The following OSTF1 variants were observed in gnomAD, a reference collection of about 807,000 sequenced individuals.
The protein encoded by OSTF1 is osteoclast stimulating factor 1.
In OSTF1, 27 loss-of-function variants were observed where a neutral mutation model predicts 37.2. That is an observed-to-expected ratio of 0.73 (90% CI 0.54 to 1.00). The LOEUF is 1.00. Among genes scored for constraint, OSTF1 ranks in the 50% least tolerant of loss-of-function variants. The probability of loss-of-function intolerance (pLI) is 0.00; values close to 1 mark genes in which losing one functional copy is unlikely to be tolerated. For synonymous variants in OSTF1, 82 were observed against 89.2 expected (o/e 0.92, Z 0.46); for missense variants, 232 against 253.8 (o/e 0.91, Z 0.58).
chr9:75,141,312 CAA>C (rs529293090), intron 9 of OSTF1, among the ~76,000 whole-genome samples: 12,576 of 71,606 alleles, frequency 0.18, 525 homozygotes, highest in African/African-American at 0.27. Flanking sequence ...AAAAGAAAAC[CAA>C]AAAAAAAAAA....
chr9:75,092,797 C>T (rs945509864), intron 1 of OSTF1, among the ~76,000 whole-genome samples: 10 of 152,096 alleles, frequency 6.6e-5, no homozygotes, highest in African/African-American at 2.2e-4. Flanking sequence ...TGTTGGTTGG[C>T]ATATGTTTCC....
chr9:75,135,458 T>C (rs200810490), intron 7 of OSTF1, among the ~76,000 whole-genome samples: 1 of 55,460 alleles, frequency 1.8e-5, no homozygotes, highest in South Asian at 3.8e-4. Context: ...AAAATTATCT[T>C]GTATTTCTTT....
chr9:75,143,248 AAGT>A (rs1389273951), intron 9 of OSTF1, among the ~76,000 whole-genome samples: 2 of 152,168 alleles, frequency 1.3e-5, no homozygotes, highest in African/African-American at 2.4e-5. Flanking sequence ...ATTTTTTAAT[AAGT>A]ACAAAAATTC....
chr9:75,096,067 A>T (rs1977242), intron 1 of OSTF1, among the ~76,000 whole-genome samples: 17,817 of 151,888 alleles, frequency 0.12, 2,076 homozygotes, highest in African/African-American at 0.3. Context: ...AATTTTTGGT[A>T]TTTTTAGTAG....
intron 1 of OSTF1, among the ~76,000 whole-genome samples, chr9:75,103,560 A>G (rs924236212): frequency 6.6e-6 from 1 of 152,180 alleles, no homozygotes; most frequent in Non-Finnish European, 1.5e-5. Flanking sequence ...CCTTTTTTAC[A>G]TAACAACTAA....
intron 2 of OSTF1, among the ~76,000 whole-genome samples, chr9:75,121,381 A>G (rs572582553): frequency 5.3e-5 from 8 of 152,252 alleles, no homozygotes; most frequent in African/African-American, 1.9e-4. Flanking sequence ...ATTATTGAAT[A>G]TACAGGAGAA....
chr9:75,097,755 C>CT (rs34808461), intron 1 of OSTF1, among the ~76,000 whole-genome samples: 95 of 144,268 alleles, frequency 6.6e-4, no homozygotes, highest in East Asian at 2.8e-3. Flanking sequence ...GCCGTCCCCT[C>CT]TTTTTTTTTT....
intron 3 of OSTF1, among the ~76,000 whole-genome samples, chr9:75,130,045 A>G (rs7863446): frequency 0.42 from 63,879 of 151,978 alleles, 14,088 homozygotes; most frequent in African/African-American, 0.54. Context: ...GAGGGACGTC[A>G]TGGGGGCATA....
chr9:75,126,439 G>A (rs1282508620), intron 2 of OSTF1, among the ~76,000 whole-genome samples: 1 of 152,118 alleles, frequency 6.6e-6, no homozygotes. Context: ...CCATGATGAT[G>A]TAAACATTTC....
intron 1 of OSTF1, among the ~76,000 whole-genome samples, chr9:75,091,333 C>A (rs1025775511): frequency 6.6e-6 from 1 of 152,038 alleles, no homozygotes; most frequent in Non-Finnish European, 1.5e-5. Flanking sequence ...TCCTTCGCTT[C>A]CCAAAGTGTG....
intron 1 of OSTF1, among the ~76,000 whole-genome samples, chr9:75,110,866 C>T (rs566858911): frequency 3.3e-5 from 5 of 152,000 alleles, no homozygotes; most frequent in South Asian, 2.1e-4. Context: ...GTGTACCAAC[C>T]GCAACCACAC....
At chr9:75,111,377 T>C (rs1825385007) in intron 1 of OSTF1, among the ~76,000 whole-genome samples, 1 of 152,086 alleles carries the variant, frequency 6.6e-6, no homozygotes, top group Non-Finnish European at 1.5e-5. Flanking sequence ...ACCCTTCTCT[T>C]CAGGGACTGG....
chr9:75,097,315 G>C (rs960176643), intron 1 of OSTF1, among the ~76,000 whole-genome samples: 3 of 152,138 alleles, frequency 2.0e-5, no homozygotes, highest in African/African-American at 7.2e-5. Flanking sequence ...TGCTTTCAGG[G>C]AACCCTTCCC....
intron 8 of OSTF1, among the ~76,000 whole-genome samples, chr9:75,139,590 G>A (rs1305956007): frequency 2.6e-5 from 4 of 152,096 alleles, no homozygotes; most frequent in African/African-American, 9.7e-5. Flanking sequence ...CACCACACTT[G>A]GCTAATTTTT....
intron 3 of OSTF1, among the ~76,000 whole-genome samples, chr9:75,129,054 A>C (rs1275588444): frequency 6.6e-6 from 1 of 152,168 alleles, no homozygotes; most frequent in Non-Finnish European, 1.5e-5. Flanking sequence ...TCTTATTAGA[A>C]AACATGGAAG....
At chr9:75,117,071 T>G (rs971202001) in intron 1 of OSTF1, among the ~76,000 whole-genome samples, 55 of 152,308 alleles carry the variant, frequency 3.6e-4, no homozygotes, top group African/African-American at 1.3e-3. Flanking sequence ...TTTTTAAAAT[T>G]TATTTTATGA....
intron 3 of OSTF1, among the ~76,000 whole-genome samples, chr9:75,129,732 T>C (rs1260913482): frequency 6.6e-6 from 1 of 152,080 alleles, no homozygotes; most frequent in African/African-American, 2.4e-5. Flanking sequence ...CTTCAACAAA[T>C]ACATTGTAAG....
At chr9:75,127,690 T>C (rs1825683126) in intron 3 of OSTF1, 71 bp downstream of exon 3, 3 of 814,102 alleles carry the variant, frequency 3.7e-6, no homozygotes, top group Admixed American at 2.5e-5. Flanking sequence ...TTGTAAGTTA[T>C]TTAAATATAT....
At position 75,146,195 on chromosome 9, in the gene OSTF1, C is replaced by T. The variant is rs190480239; in HGVS notation, c.587-488C>T. Among the ~76,000 whole-genome samples the T allele has an allele frequency of 4.0e-4, 61 of 152,348 alleles. No homozygotes were observed. In the East Asian group the frequency reaches 0.011, roughly 28 times the overall value. ...AGCTCTATTTTAAAACTTTTCCCCC[C>T]CATTTCAGCCTTTTGCTTTATTGTC... On this transcript the variant is annotated intron_variant, in intron 9 of 9. Coordinates refer to ENST00000346234, the MANE Select transcript of OSTF1 (RefSeq NM_012383.5).
Sources: gnomAD v4.1 joint callset for allele counts (sites outside exome capture counted in the v4.1 genomes callset) on GRCh38, gnomAD v4.1.1 for gene constraint, MANE v1.5 for transcripts, NCBI Gene and HGNC (gene_info 2026-07-23, HGNC 2026-07-21) for gene names.